PATE3: variants seen among roughly 807,000 people sequenced by gnomAD.
PATE3 encodes prostate and testis expressed protein 3.
PATE3 carries 7 observed loss-of-function variants against 7.4 expected under a neutral mutation model. That is an observed-to-expected ratio of 0.95 (90% CI 0.54 to 1.78). The LOEUF is 1.78. PATE3 is among the 40% of genes most tolerant of loss of function. The probability of loss-of-function intolerance (pLI) is 0.00; values close to 1 mark genes in which losing one functional copy is unlikely to be tolerated. For synonymous variants in PATE3, 38 were observed against 40.2 expected (o/e 0.94, Z 0.21); for missense variants, 117 against 122.5 (o/e 0.96, Z 0.21).
Position 125,791,214 on chromosome 11 carries a change from A to ACTG in PATE3, c.*615_*617dup, listed in dbSNP as rs1295216874. On this transcript the variant is annotated 3_prime_UTR_variant, in exon 3 of 3. Coordinates refer to ENST00000445202, the MANE Select transcript of PATE3 (RefSeq NM_001129883.4). ...ACATTCACCGAGCTCTCACACAGCC[A>ACTG]CTGCTACTCCTATCGAGATGTACAT... 3 of 151,902 alleles carry ACTG rather than the reference A, an allele frequency of 2.0e-5. No homozygotes were observed. The highest frequency in any genetic ancestry group is 7.2e-5 in the African/African-American group (3 of 41,404). The allele number at this position is 151,902 out of a possible 1,614,324, so 9.4% of individuals were successfully genotyped here.
intron 1 of PATE3, among the ~76,000 whole-genome samples, chr11:125,788,445 C>G (rs1943582895): frequency 6.6e-6 from 1 of 152,184 alleles, no homozygotes; most frequent in Non-Finnish European, 1.5e-5. Flanking sequence ...CTCCCTCTGT[C>G]CCTACCATTC....
rs748417688 is a variant in PATE3, at chr11:125,790,642, A to C, written c.*40A>C. 253 of 1,536,852 alleles carry C rather than the reference A, an allele frequency of 1.6e-4. No homozygotes were observed. The highest frequency in any genetic ancestry group is 2.2e-4 in the Non-Finnish European group (246 of 1,138,548). On this transcript the variant is annotated 3_prime_UTR_variant, in exon 3 of 3. Coordinates refer to ENST00000445202, the MANE Select transcript of PATE3 (RefSeq NM_001129883.4). Reference sequence around the variant, plus strand: ...TGAGGTCTCGCTTTGGAATGTCCCCAATGTTGCTCATCCTTCACACTCTGC... The same window carrying C: ...TGAGGTCTCGCTTTGGAATGTCCCCCATGTTGCTCATCCTTCACACTCTGC...
chr11:125,788,744 T>C (rs1245814724), intron 1 of PATE3, among the ~76,000 whole-genome samples: 1 of 152,178 alleles, frequency 6.6e-6, no homozygotes, highest in Non-Finnish European at 1.5e-5. Flanking sequence ...ATGGGGACAA[T>C]GGTGCCTGCT....
chr11:125,790,150 A>C (rs1245269816), intron 2 of PATE3, among the ~76,000 whole-genome samples: 1 of 152,218 alleles, frequency 6.6e-6, no homozygotes, highest in Non-Finnish European at 1.5e-5. Context: ...GAGTGGTGGA[A>C]GGAGAGGATG....
intron 1 of PATE3, among the ~76,000 whole-genome samples, chr11:125,788,842 C>T (rs1943586869): frequency 6.6e-6 from 1 of 152,152 alleles, no homozygotes; most frequent in Admixed American, 6.5e-5. Flanking sequence ...TTTCCTTTCT[C>T]ATTCAGGTGC....
rs1389830884 is a variant in PATE3, at chr11:125,790,693, G to A, written c.*91G>A. Reference sequence around the variant, plus strand: ...TGGCCCTTGCTTCCCTTCCGTGTCTGTCCTGACAATACCCCTGCCCTCGCA... The same window carrying A: ...TGGCCCTTGCTTCCCTTCCGTGTCTATCCTGACAATACCCCTGCCCTCGCA... On this transcript the variant is annotated 3_prime_UTR_variant, in exon 3 of 3. Transcript: ENST00000445202. The A allele has an allele frequency of 7.5e-7, 1 of 1,325,682 alleles. No homozygotes were observed. The highest frequency in any genetic ancestry group is 1.5e-5 in the African/African-American group (1 of 68,190). 82.1% of individuals were successfully genotyped at this position (1,325,682 alleles called of 1,614,324 possible).
chr11:125,788,430 A>AT (rs1943582735), intron 1 of PATE3, among the ~76,000 whole-genome samples: 1 of 151,668 alleles, frequency 6.6e-6, no homozygotes, highest in African/African-American at 2.4e-5. Context: ...CTTTTAACTC[A>AT]TTTTCTCCCT....
chr11:125,788,515 A>G (rs1342354231), intron 1 of PATE3, among the ~76,000 whole-genome samples: 1 of 152,194 alleles, frequency 6.6e-6, no homozygotes, highest in Non-Finnish European at 1.5e-5. Flanking sequence ...TTGTAAACCT[A>G]TATCCCATTT....
In PATE3 at chr11:125,788,150, G is replaced by C; in HGVS notation, c.-2G>C. The C allele has an allele frequency of 6.4e-7, 1 of 1,551,350 alleles. No individual in the cohort carries two copies. Among genetic ancestry groups the C allele is most frequent in the Non-Finnish European group, 8.7e-7 (1 of 1,146,766 alleles). On this transcript the variant is annotated 5_prime_UTR_variant, in exon 1 of 3. Transcript: ENST00000445202. ...TCCTGCACAAGGGATTTCCGGGTCA[G>C]GATGAACAAACACTTCTTGTTCCTC...
In PATE3 at chr11:125,790,799, C is replaced by A; in HGVS notation, c.*197C>A. On this transcript the variant is annotated 3_prime_UTR_variant, in exon 3 of 3. Coordinates refer to ENST00000445202, the MANE Select transcript of PATE3 (RefSeq NM_001129883.4). ...CTCCCTCAGTCAGAGAATAGTGGTT[C>A]TGAACAATGGATTTCTTCTATTATT... 2.0e-6 allele frequency: 1 copy of A among 501,428 alleles called. No individual in the cohort carries two copies. The highest frequency in any genetic ancestry group is 3.4e-6 in the Non-Finnish European group (1 of 290,000). 31.1% of individuals were successfully genotyped at this position (501,428 alleles called of 1,614,324 possible).
rs1053934064 is a variant in PATE3 at position 125,790,501 on chromosome 11, A to G, written c.196A>G (p.Met66Val). Reference protein sequence around the residue: ...YQRNTLQISYMVCQKFCRDMT... With the variant: ...YQRNTLQISYVVCQKFCRDMT... Reference sequence around the variant, plus strand: ...AGGCAATACTCTCCAGATATCATACATGGTGTGTCAGAAATTCTGCAGAGA... The same window carrying G: ...AGGCAATACTCTCCAGATATCATACGTGGTGTGTCAGAAATTCTGCAGAGA... Residue 66 changes from methionine to valine, a missense_variant, in exon 3 of 3, where the codon ATG becomes GTG. Transcript: ENST00000445202. 11 of 1,550,178 alleles carry G rather than the reference A, an allele frequency of 7.1e-6. No individual in the cohort carries two copies. The highest frequency in any genetic ancestry group is 1.4e-5 in the African/African-American group (1 of 73,034).
rs892928135 is a variant in PATE3, at chr11:125,790,427, T to C, written c.173-51T>C. The C allele has an allele frequency of 5.9e-6, 9 of 1,521,576 alleles. No homozygotes were observed. The East Asian group carries it at 1.2e-4, about 21-fold the overall frequency. The allele number at this position is 1,521,576 out of a possible 1,614,324, so 94.3% of individuals were successfully genotyped here. A position where few individuals can be genotyped will look rare whatever the true frequency, so the allele number is the denominator to read the frequency against. On this transcript the variant is annotated intron_variant, in intron 2 of 2. Coordinates refer to ENST00000445202, the MANE Select transcript of PATE3 (RefSeq NM_001129883.4). ...GAACTAGTGCTGGGTTTGACTCACC[T>C]TGGAGAGCTTAAATCAAATGCTTAT... is the stretch of plus-strand genomic sequence containing the variant.
At position 125,790,763 on chromosome 11, in the gene PATE3, C is replaced by A; in HGVS notation, c.*161C>A. ...CTAGTGTGATCCTTTCTGGTGTCTT[C>A]AGCTTGGCTTCTCCCTCAGTCAGAG... is the stretch of plus-strand genomic sequence containing the variant. On this transcript the variant is annotated 3_prime_UTR_variant, in exon 3 of 3. Coordinates refer to ENST00000445202, the MANE Select transcript of PATE3 (RefSeq NM_001129883.4). 1 of 642,028 alleles carries A rather than the reference C, an allele frequency of 1.6e-6. No individual in the cohort carries two copies. The highest frequency in any genetic ancestry group is 2.5e-6 in the Non-Finnish European group (1 of 399,110). 39.8% of individuals were successfully genotyped at this position (642,028 alleles called of 1,614,324 possible). A position where few individuals can be genotyped will look rare whatever the true frequency, so the allele number is the denominator to read the frequency against.
rs1333971540 is a variant in PATE3, at chr11:125,791,356, T to G, written c.*754T>G. 6.6e-6 allele frequency: 1 copy of G among 152,152 alleles called. No homozygotes were observed. The highest frequency in any genetic ancestry group is 2.4e-5 in the African/African-American group (1 of 41,424). 9.4% of individuals were successfully genotyped at this position (152,152 alleles called of 1,614,324 possible). On this transcript the variant is annotated 3_prime_UTR_variant, in exon 3 of 3. Coordinates refer to ENST00000445202, the MANE Select transcript of PATE3 (RefSeq NM_001129883.4). ...TCCCACCTCCATTATCACCTCCCCA[T>G]TGCCACACAACCTCTCCCTGTAGAG...
In PATE3 at chr11:125,789,373, A is replaced by G. The variant is rs1943590771; in HGVS notation, c.50-13A>G. ...TTTTGCCTAGTCTCACACCATCTCT[A>G]TGCTCTCTCCAGCAGTGACATCACT... On this transcript the variant is annotated splice_polypyrimidine_tract_variant and intron_variant, in intron 1 of 2. Coordinates refer to ENST00000445202, the MANE Select transcript of PATE3 (RefSeq NM_001129883.4). 2 of 1,549,630 alleles carry G rather than the reference A, an allele frequency of 1.3e-6. No individual in the cohort carries two copies. The highest frequency in any genetic ancestry group is 1.7e-6 in the Non-Finnish European group (2 of 1,145,506).
In PATE3 at chr11:125,788,531, TGGAGCTGGTCAGTC is replaced by T. The variant is rs1430380049; in HGVS notation, c.49+332_49+345del. Among the ~76,000 whole-genome samples the T allele has an allele frequency of 9.8e-5, 15 of 152,362 alleles. No individual in the cohort carries two copies. In the East Asian group the frequency reaches 2.7e-3, roughly 27 times the overall value. The stretch of plus-strand genomic sequence containing the variant: ...TGTAAACCTATATCCCATTTGTTGA[TGGAGCTGGTCAGTC>T]TATAATGAATAATTTTCAGTTTATT... On this transcript the variant is annotated intron_variant, in intron 1 of 2. Coordinates refer to ENST00000445202, the MANE Select transcript of PATE3 (RefSeq NM_001129883.4).
chr11:125,789,567 T>G, intron 2 of PATE3, 59 bp downstream of exon 2: 1 of 1,505,432 alleles, frequency 6.6e-7, no homozygotes, highest in Non-Finnish European at 9.0e-7. Context: ...GGATAGTGCT[T>G]CAGCAATTTC....
rs1943591079 is a variant in PATE3 at position 125,789,402 on chromosome 11, G to T, written c.66G>T (p.Gln22His). ...TCTCTCCAGCAGTGACATCACTTCA[G>T]TGCATAACATGCCACCTTCGCACAC... Reference protein sequence around the residue: ...YCLIVAVTSLQCITCHLRTRT... With the variant: ...YCLIVAVTSLHCITCHLRTRT... The change falls in exon 2 of 3, where the codon CAG (glutamine) becomes CAT (histidine). Residue 22 changes from glutamine to histidine, a missense_variant. By Grantham distance (24) the Gln-to-His change is conservative (BLOSUM62 0). Transcript: ENST00000445202. 6.4e-7 allele frequency: 1 copy of T among 1,551,486 alleles called. No homozygotes were observed. Among genetic ancestry groups the T allele is most frequent in the Non-Finnish European group, 8.7e-7 (1 of 1,146,846 alleles).
chr11:125,790,450 T>G, intron 2 of PATE3, 28 bp from the exon 3 acceptor site: 1 of 1,542,092 alleles, frequency 6.5e-7, no homozygotes, highest in South Asian at 1.2e-5. Flanking sequence ...ATCAAATGCT[T>G]ATTTTCTGTG....
Sources: allele counts gnomAD v4.1 joint callset (sites outside exome capture counted in the v4.1 genomes callset), GRCh38; gene constraint gnomAD v4.1.1; transcripts MANE v1.5; gene names NCBI Gene and HGNC (gene_info 2026-07-23, HGNC 2026-07-21).